HHAT: variants seen among roughly 807,000 people sequenced by gnomAD.
HHAT encodes the protein protein-cysteine N-palmitoyltransferase HHAT.
Under a neutral mutation model 70.8 loss-of-function variants are expected in HHAT, and 47 were observed. The observed-to-expected ratio is 0.66, with a 90% CI of 0.53 to 0.85. The LOEUF is 0.85. Ranked by LOEUF, HHAT falls within the 40% of genes least tolerant of loss-of-function variation. The pLI is 0.00. For synonymous variants in HHAT, 228 were observed against 247.6 expected (o/e 0.92, Z 0.74); for missense variants, 609 against 604.8 (o/e 1.01, Z -0.07).
chr1:210,589,529 A>G (rs1267604128), intron 10 of HHAT: 3 of 152,200 alleles, frequency 2.0e-5, no homozygotes, highest in Admixed American at 2.0e-4. Context: ...CACAGTTACC[A>G]CCTTTGAAAG....
chr1:210,420,398 C>T (rs1052293131), intron 7 of HHAT, among the ~76,000 whole-genome samples: 6 of 152,140 alleles, frequency 3.9e-5, no homozygotes, highest in Non-Finnish European at 8.8e-5. Flanking sequence ...TCTACATATA[C>T]GAGGACACTT....
chr1:210,409,867 T>C (rs2092465812), intron 6 of HHAT, among the ~76,000 whole-genome samples: 1 of 152,206 alleles, frequency 6.6e-6, no homozygotes, highest in Non-Finnish European at 1.5e-5. Context: ...GTGTATTTTT[T>C]AGTGATGCCT....
At chr1:210,437,006 A>G (rs1006981488) in intron 7 of HHAT, among the ~76,000 whole-genome samples, 1 of 151,874 alleles carries the variant, frequency 6.6e-6, no homozygotes, top group African/African-American at 2.4e-5. Flanking sequence ...TGGGAAGAAG[A>G]TATCTTAGGA....
chr1:210,427,764 G>A (rs964053245), intron 7 of HHAT, among the ~76,000 whole-genome samples: 3 of 152,104 alleles, frequency 2.0e-5, no homozygotes, highest in Admixed American at 6.6e-5. Context: ...TGAGAAGAAT[G>A]TATATTCTGT....
chr1:210,633,388 G>T (rs1671248891), intron 11 of HHAT, among the ~76,000 whole-genome samples: 1 of 152,186 alleles, frequency 6.6e-6, no homozygotes, highest in Admixed American at 6.5e-5. Context: ...ATGTCACATG[G>T]TTATCCAGAG....
rs748285210 is a variant in HHAT at position 210,424,914 on chromosome 1, G to T, written c.856+6589G>T. On this transcript the variant is annotated intron_variant, in intron 7 of 11. Transcript: ENST00000261458. ...GTATTTCTGTCTTTAGGTCTTTCAG[G>T]AATTGCCACACTGTCTTCTATAATG... is the stretch of plus-strand genomic sequence containing the variant. Among the ~76,000 whole-genome samples, 20 of 152,106 alleles carry T rather than the reference G, an allele frequency of 1.3e-4. 1 individual carries two copies. The highest frequency in any genetic ancestry group is 2.8e-4 in the Non-Finnish European group (19 of 68,008).
Position 210,403,680 on chromosome 1 carries a change from C to T in HHAT, c.469-784C>T, listed in dbSNP as rs530667263. Among the ~76,000 whole-genome samples the T allele has an allele frequency of 1.7e-4, 26 of 152,266 alleles. No homozygotes were observed. In the East Asian group the frequency reaches 2.5e-3, roughly 15 times the overall value. Reference sequence around the variant, plus strand: ...CTCCTTTGACCCAAGTTCTATTTCTCGTATGTATTTCCATAAATAGTTTTT... The same window carrying T: ...CTCCTTTGACCCAAGTTCTATTTCTTGTATGTATTTCCATAAATAGTTTTT... On this transcript the variant is annotated intron_variant, in intron 5 of 11. Transcript: ENST00000261458.
At chr1:210,529,374 C>G (rs181862583) in intron 9 of HHAT, among the ~76,000 whole-genome samples, 1 of 150,898 alleles carries the variant, frequency 6.6e-6, no homozygotes, top group Non-Finnish European at 1.5e-5. Flanking sequence ...GTACATCAGA[C>G]AGAACACTGA....
At chr1:210,479,874 A>G (rs1269364877) in intron 8 of HHAT, among the ~76,000 whole-genome samples, 3 of 152,202 alleles carry the variant, frequency 2.0e-5, no homozygotes, top group African/African-American at 7.2e-5. Context: ...AGTCTAGAGA[A>G]TAGAGCATGA....
intron 3 of HHAT, among the ~76,000 whole-genome samples, chr1:210,377,512 G>T (rs2090320504): frequency 6.6e-6 from 1 of 152,206 alleles, no homozygotes; most frequent in Admixed American, 6.5e-5. Flanking sequence ...CAGGGAGACA[G>T]AATCTATTCA....
chr1:210,430,110 T>C (rs2093199465), intron 7 of HHAT, among the ~76,000 whole-genome samples: 1 of 151,986 alleles, frequency 6.6e-6, no homozygotes, highest in Non-Finnish European at 1.5e-5. Flanking sequence ...AATAATTTTA[T>C]ATTTTACAAT....
Position 210,420,675 on chromosome 1 carries a change from C to CA in HHAT, c.856+2361dup, listed in dbSNP as rs35291878. Among the ~76,000 whole-genome samples the CA allele has an allele frequency of 2.2e-3, 320 of 143,170 alleles. 2 individuals are homozygous for CA. Among genetic ancestry groups the CA allele is most frequent in the African/African-American group, 5.3e-3 (203 of 38,602 alleles). The allele number at this position is 143,170 out of a possible 152,430, so 93.9% of individuals were successfully genotyped here. On this transcript the variant is annotated intron_variant, in intron 7 of 11. Coordinates refer to ENST00000261458, the MANE Select transcript of HHAT (RefSeq NM_018194.6). ...ATAATAATAATAAAATTTAAAAAAACAAAAAAAAAAACAAAGAAATACATT... is the reference window on the plus strand; with the variant it reads ...ATAATAATAATAAAATTTAAAAAAACAAAAAAAAAAAACAAAGAAATACATT...
intron 8 of HHAT, among the ~76,000 whole-genome samples, chr1:210,496,306 G>A (rs550967182): frequency 2.7e-4 from 41 of 152,106 alleles, no homozygotes; most frequent in African/African-American, 9.2e-4. Context: ...CTTTCCTTAG[G>A]GCTACTCATG....
chr1:210,485,975 G>A (rs1395972607), intron 8 of HHAT, among the ~76,000 whole-genome samples: 1 of 152,164 alleles, frequency 6.6e-6, no homozygotes, highest in East Asian at 1.9e-4. Flanking sequence ...TTTAAGCTAA[G>A]AGAAGGAATA....
chr1:210,410,239 G>A (rs1470122642), intron 6 of HHAT, among the ~76,000 whole-genome samples: 2 of 150,844 alleles, frequency 1.3e-5, no homozygotes, highest in African/African-American at 4.9e-5. Flanking sequence ...ATTTTTTTTA[G>A]TAGAGACGAG....
chr1:210,528,950 G>C (rs551497954), intron 9 of HHAT, among the ~76,000 whole-genome samples: 1 of 152,082 alleles, frequency 6.6e-6, no homozygotes, highest in Non-Finnish European at 1.5e-5. Context: ...GGAACCTTGG[G>C]GATAGTTTCA....
chr1:210,493,611 C>T (rs2094585168), intron 8 of HHAT, among the ~76,000 whole-genome samples: 1 of 152,128 alleles, frequency 6.6e-6, no homozygotes. Flanking sequence ...AATTAATCAT[C>T]CCAGGTCTGG....
chr1:210,359,935 C>G (rs2088085806), intron 2 of HHAT, among the ~76,000 whole-genome samples: 1 of 152,190 alleles, frequency 6.6e-6, no homozygotes, highest in Non-Finnish European at 1.5e-5. Context: ...AAACTCCCAT[C>G]TGACATTTAG....
intron 8 of HHAT, among the ~76,000 whole-genome samples, chr1:210,510,714 G>T (rs1262013970): frequency 6.6e-6 from 1 of 152,088 alleles, no homozygotes; most frequent in African/African-American, 2.4e-5. Flanking sequence ...GTCAGCTCTG[G>T]GCATACCAGT....
Sources: allele counts gnomAD v4.1 joint callset (sites outside exome capture counted in the v4.1 genomes callset), GRCh38; gene constraint gnomAD v4.1.1; transcripts MANE v1.5; gene names NCBI Gene and HGNC (gene_info 2026-07-23, HGNC 2026-07-21).